Variants in SPIDR observed in about 807,000 individuals in gnomAD.
The protein encoded by SPIDR is scaffold protein involved in DNA repair.
A neutral mutation model predicts 104.6 loss-of-function variants in SPIDR; 93 were observed. The ratio of observed to expected loss-of-function variants is 0.89; its 90% CI spans 0.75 to 1.06. The LOEUF (loss-of-function observed/expected upper bound fraction) is 1.06, where lower values mean the gene tolerates loss of function less well. Among genes scored for constraint, SPIDR ranks in the 50% least tolerant of loss-of-function variants. The pLI, the probability that SPIDR is intolerant of heterozygous loss-of-function variation, is 0.00. For missense variants in SPIDR, 1,154 were observed against 1,111.2 expected (o/e 1.04, Z -0.55); for synonymous variants, 431 against 416.9 (o/e 1.03, Z -0.41).
At chr8:47,341,497 A>G (rs977732006) in intron 5 of SPIDR, among the ~76,000 whole-genome samples, 14 of 152,330 alleles carry the variant, frequency 9.2e-5, no homozygotes, top group Admixed American at 6.5e-4. Flanking sequence ...ACACATTTAA[A>G]TTAGTAATAA....
intron 10 of SPIDR, among the ~76,000 whole-genome samples, chr8:47,615,939 A>G (rs2064248493): frequency 6.6e-6 from 1 of 151,952 alleles, no homozygotes; most frequent in Non-Finnish European, 1.5e-5. Context: ...TTTTGATGTT[A>G]TTATAAACCA....
chr8:47,360,356 A>G (rs782602783), intron 5 of SPIDR, among the ~76,000 whole-genome samples: 12 of 151,558 alleles, frequency 7.9e-5, no homozygotes, highest in East Asian at 1.9e-4. Context: ...TGAATTTTCT[A>G]CTATTTCTCG....
intron 8 of SPIDR, among the ~76,000 whole-genome samples, chr8:47,450,413 G>T (rs2071490175): frequency 6.6e-6 from 1 of 152,056 alleles, no homozygotes; most frequent in Admixed American, 6.6e-5. Context: ...AATTTATTAG[G>T]TCCCACCTCC....
chr8:47,664,856 A>T (rs1228905307), intron 10 of SPIDR, among the ~76,000 whole-genome samples: 4 of 151,532 alleles, frequency 2.6e-5, no homozygotes, highest in African/African-American at 9.7e-5. Context: ...AGATTGTGCC[A>T]CTGCACTCCA....
intron 1 of SPIDR, among the ~76,000 whole-genome samples, chr8:47,276,385 A>G (rs2036428743): frequency 6.6e-6 from 1 of 152,312 alleles, no homozygotes; most frequent in African/African-American, 2.4e-5. Context: ...TTTTGTATGT[A>G]CTTTTACCAA....
At position 47,701,721 on chromosome 8, in the gene SPIDR, A is replaced by AT. The variant is rs1460601981; in HGVS notation, c.1775dup (p.Thr594AsnfsTer22). The AT allele has an allele frequency of 1.2e-6, 2 of 1,614,018 alleles. No homozygotes were observed. Among genetic ancestry groups the AT allele is most frequent in the Non-Finnish European group, 1.7e-6 (2 of 1,179,972 alleles). On this transcript the variant is annotated frameshift_variant and splice_region_variant, in exon 13 of 20. Coordinates refer to ENST00000297423, the MANE Select transcript of SPIDR (RefSeq NM_001080394.4). LOFTEE classifies it high-confidence loss of function. Reference sequence around the variant, plus strand: ...TTCTACCTTTGTCTCATTTAAACAGATAAAAACTCATCTGCCTCCTCCAGC... The same window carrying AT: ...TTCTACCTTTGTCTCATTTAAACAGATTAAAAACTCATCTGCCTCCTCCAGC...
At chr8:47,343,409 A>G (rs1285452790) in intron 5 of SPIDR, among the ~76,000 whole-genome samples, 4 of 152,144 alleles carry the variant, frequency 2.6e-5, no homozygotes, top group Non-Finnish European at 4.4e-5. Context: ...GAACTAATGA[A>G]GTGGAGGGTG....
chr8:47,525,460 AT>A (rs2084826629), intron 8 of SPIDR, among the ~76,000 whole-genome samples: 1 of 152,130 alleles, frequency 6.6e-6, no homozygotes, highest in African/African-American at 2.4e-5. Context: ...AGAAAATTTT[AT>A]GTTCTCCCTC....
chr8:47,492,373 T>G (rs929670536), intron 8 of SPIDR, among the ~76,000 whole-genome samples: 1 of 152,156 alleles, frequency 6.6e-6, no homozygotes, highest in East Asian at 1.9e-4. Context: ...AGGGGTTGGT[T>G]TTGAAAATCA....
chr8:47,421,705 G>T (rs1014278867), intron 7 of SPIDR, among the ~76,000 whole-genome samples: 5 of 152,156 alleles, frequency 3.3e-5, no homozygotes, highest in Admixed American at 1.3e-4. Context: ...AGAATTTTTA[G>T]TTTTTCTGCT....
Position 47,585,030 on chromosome 8 carries a change from GA to G in SPIDR, c.1098-10774del, listed in dbSNP as rs1306488905. Among the ~76,000 whole-genome samples the G allele has an allele frequency of 2.6e-5, 4 of 151,982 alleles. No individual in the cohort carries two copies. In the South Asian group the frequency reaches 6.2e-4, roughly 24 times the overall value. ...AAATTTATTAGGTATTAGATACTAA[GA>G]AAAAAATGTATCTAGGATAAATGAC... On this transcript the variant is annotated intron_variant, in intron 8 of 19. Transcript: ENST00000297423.
At chr8:47,726,393 G>C (rs565506912) in intron 16 of SPIDR, among the ~76,000 whole-genome samples, 10 of 152,298 alleles carry the variant, frequency 6.6e-5, no homozygotes, top group Admixed American at 5.9e-4. Flanking sequence ...TATTTTTCTA[G>C]AAACTCAGAT....
At chr8:47,572,393 G>T (rs996880916) in intron 8 of SPIDR, among the ~76,000 whole-genome samples, 1 of 152,142 alleles carries the variant, frequency 6.6e-6, no homozygotes, top group Non-Finnish European at 1.5e-5. Flanking sequence ...GCCGGGCACG[G>T]TGGCTCATGC....
At chr8:47,320,641 C>CA (rs571383785) in intron 5 of SPIDR, among the ~76,000 whole-genome samples, 2,783 of 151,944 alleles carry the variant, frequency 0.018, 93 homozygotes, top group African/African-American at 0.063. Flanking sequence ...AGAGACACAG[C>CA]AAAAAAAGAG....
intron 7 of SPIDR, among the ~76,000 whole-genome samples, chr8:47,412,577 G>C (rs1476886090): frequency 6.6e-6 from 1 of 152,118 alleles, no homozygotes; most frequent in Non-Finnish European, 1.5e-5. Flanking sequence ...AATCACTCTG[G>C]CCAACATGGG....
Position 47,396,365 on chromosome 8 carries a change from T to A in SPIDR, c.526-11T>A. 1 of 1,563,204 alleles carries A rather than the reference T, an allele frequency of 6.4e-7. No individual in the cohort carries two copies. Among genetic ancestry groups the A allele is most frequent in the Non-Finnish European group, 8.8e-7 (1 of 1,140,986 alleles). ...ATTTAAAAATATGCCTTTCTTTTAA[T>A]TTTTTTTCAGCCAAGTTCTATAGAA... On this transcript the variant is annotated splice_polypyrimidine_tract_variant and intron_variant, in intron 5 of 19. Transcript: ENST00000297423.
intron 8 of SPIDR, among the ~76,000 whole-genome samples, chr8:47,444,029 C>T (rs1255358263): frequency 6.6e-6 from 1 of 151,848 alleles, no homozygotes; most frequent in Non-Finnish European, 1.5e-5. Flanking sequence ...CACCAACTTA[C>T]AAAAAAATGC....
At chr8:47,704,762 T>G (rs1044814404) in intron 14 of SPIDR, among the ~76,000 whole-genome samples, 1 of 152,210 alleles carries the variant, frequency 6.6e-6, no homozygotes, top group Non-Finnish European at 1.5e-5. Context: ...TGGAGAATGA[T>G]TGGCATGAGT....
chr8:47,562,233 T>C (rs2057173665), intron 8 of SPIDR, among the ~76,000 whole-genome samples: 1 of 152,262 alleles, frequency 6.6e-6, no homozygotes, highest in South Asian at 2.1e-4. Flanking sequence ...GACCATCTTA[T>C]TGATGTCATA....
Sources: allele counts gnomAD v4.1 joint callset (sites outside exome capture counted in the v4.1 genomes callset), GRCh38; gene constraint gnomAD v4.1.1; transcripts MANE v1.5; gene names NCBI Gene and HGNC (gene_info 2026-07-23, HGNC 2026-07-21).